Variants in PXDNL observed in about 807,000 individuals in gnomAD.
PXDNL encodes probable oxidoreductase PXDNL.
PXDNL carries 145 observed loss-of-function variants against 150.8 expected under a neutral mutation model. The observed-to-expected ratio is 0.96, with a 90% CI of 0.84 to 1.10. The LOEUF is 1.10. Among genes scored for constraint, PXDNL ranks in the 50% least tolerant of loss-of-function variants. The pLI is 0.00. For missense variants in PXDNL, 2,087 were observed against 1,873.9 expected, an observed-to-expected ratio of 1.11 and a Z score of -2.10; for synonymous variants, 757 against 725.7, an observed-to-expected ratio of 1.04 and a Z score of -0.69.
At chr8:51,691,166 T>G (rs1242307604) in intron 1 of PXDNL, among the ~76,000 whole-genome samples, 6 of 152,164 alleles carry the variant, frequency 3.9e-5, no homozygotes, top group Admixed American at 2.0e-4. Context: ...AGAAGCTCTT[T>G]AGTTTAATTA....
At chr8:51,646,322 A>G (rs1013483225) in intron 2 of PXDNL, among the ~76,000 whole-genome samples, 2 of 152,140 alleles carry the variant, frequency 1.3e-5, no homozygotes, top group African/African-American at 4.8e-5. Flanking sequence ...TGGCACCATG[A>G]TCTTGGACTT....
intron 3 of PXDNL, among the ~76,000 whole-genome samples, chr8:51,568,380 C>CAG: frequency 6.6e-6 from 1 of 151,896 alleles, no homozygotes; most frequent in Admixed American, 6.6e-5. Context: ...TTTATCAATA[C>CAG]AGAAGTCTAA....
chr8:51,612,575 G>A (rs1187701799), intron 2 of PXDNL, among the ~76,000 whole-genome samples: 4 of 152,134 alleles, frequency 2.6e-5, no homozygotes, highest in African/African-American at 9.7e-5. Flanking sequence ...TGATGGTATT[G>A]GGAAGTGGGA....
rs1807138118 is a variant in PXDNL at position 51,372,097 on chromosome 8, A to AG, written c.3693-17_3693-16insC. ...ATACCAGAACCTGGTAGTCAACCAAAAAAAAAACATTGTCGTGGGTCTGTG... is the reference window on the plus strand; with the variant it reads ...ATACCAGAACCTGGTAGTCAACCAAAGAAAAAAACATTGTCGTGGGTCTGTG... On this transcript the variant is annotated splice_polypyrimidine_tract_variant and intron_variant, in intron 18 of 22. Coordinates refer to ENST00000356297, the MANE Select transcript of PXDNL (RefSeq NM_144651.5). 2 of 1,553,390 alleles carry AG rather than the reference A, an allele frequency of 1.3e-6. No homozygotes were observed. Among genetic ancestry groups the AG allele is most frequent in the Non-Finnish European group, 1.7e-6 (2 of 1,146,116 alleles).
chr8:51,355,536 C>T (rs1019571364), intron 19 of PXDNL, among the ~76,000 whole-genome samples: 2 of 152,132 alleles, frequency 1.3e-5, no homozygotes, highest in African/African-American at 4.8e-5. Context: ...TAGTACGTCA[C>T]TTATCTTGTC....
At chr8:51,470,389 G>T (rs1467497374) in intron 8 of PXDNL, among the ~76,000 whole-genome samples, 1 of 151,814 alleles carries the variant, frequency 6.6e-6, no homozygotes, top group African/African-American at 2.4e-5. Flanking sequence ...CAAAAAAGTT[G>T]TATAATATAT....
At chr8:51,538,592 C>G (rs542945647) in intron 4 of PXDNL, among the ~76,000 whole-genome samples, 1 of 152,162 alleles carries the variant, frequency 6.6e-6, no homozygotes, top group East Asian at 1.9e-4. Context: ...ATGATGAAAC[C>G]TCGTCTCTAC....
chr8:51,806,217 C>A (rs962509095), intron 1 of PXDNL, among the ~76,000 whole-genome samples: 12 of 152,064 alleles, frequency 7.9e-5, no homozygotes, highest in Admixed American at 2.0e-4. Flanking sequence ...TTTCTGCATT[C>A]AGGCTAAAAT....
chr8:51,783,750 G>T (rs2037436191), intron 1 of PXDNL, among the ~76,000 whole-genome samples: 1 of 152,118 alleles, frequency 6.6e-6, no homozygotes, highest in Non-Finnish European at 1.5e-5. Context: ...CAGGAATTTT[G>T]AATGAAAGGG....
At chr8:51,643,111 T>C (rs1482345864) in intron 2 of PXDNL, among the ~76,000 whole-genome samples, 2 of 152,144 alleles carry the variant, frequency 1.3e-5, no homozygotes, top group Non-Finnish European at 2.9e-5. Context: ...AAAATGGCCA[T>C]ACTGCCCAAG....
chr8:51,588,947 A>G (rs1813382637), intron 3 of PXDNL, among the ~76,000 whole-genome samples: 1 of 152,192 alleles, frequency 6.6e-6, no homozygotes, highest in Non-Finnish European at 1.5e-5. Flanking sequence ...ATTCACTGAA[A>G]TTTAATTTCC....
At chr8:51,405,236 C>T (rs1236653582) in intron 17 of PXDNL, among the ~76,000 whole-genome samples, 4 of 152,202 alleles carry the variant, frequency 2.6e-5, no homozygotes, top group African/African-American at 9.6e-5. Context: ...ACAGTGCAAC[C>T]GCGGGGTGAA....
intron 21 of PXDNL, among the ~76,000 whole-genome samples, chr8:51,323,911 C>G (rs1316890771): frequency 7.9e-6 from 1 of 126,944 alleles, no homozygotes; most frequent in African/African-American, 3.7e-5. Context: ...AGCAAAACTT[C>G]ATCTCAAAAA....
At chr8:51,494,450 G>A (rs1466882815) in intron 5 of PXDNL, among the ~76,000 whole-genome samples, 1 of 151,882 alleles carries the variant, frequency 6.6e-6, no homozygotes, top group Non-Finnish European at 1.5e-5. Flanking sequence ...AAATGTAAAT[G>A]GGCTAAATGC....
intron 1 of PXDNL, among the ~76,000 whole-genome samples, chr8:51,727,688 A>G (rs550899839): frequency 4.6e-5 from 7 of 152,214 alleles, no homozygotes; most frequent in Non-Finnish European, 1.0e-4. Context: ...GACTCAGTCA[A>G]CCACAAACAG....
At chr8:51,539,256 T>C (rs974076385) in intron 4 of PXDNL, among the ~76,000 whole-genome samples, 6 of 152,082 alleles carry the variant, frequency 3.9e-5, no homozygotes, top group Admixed American at 2.6e-4. Flanking sequence ...TCTGTTAATA[T>C]AATAAATTAC....
intron 1 of PXDNL, among the ~76,000 whole-genome samples, chr8:51,797,260 G>T (rs575523719): frequency 6.6e-6 from 1 of 152,270 alleles, no homozygotes. Context: ...TTGAAAACTG[G>T]CACAAGACGA....
chr8:51,324,831 T>TTG (rs1307855683), intron 21 of PXDNL, among the ~76,000 whole-genome samples: 3 of 152,216 alleles, frequency 2.0e-5, no homozygotes, highest in Admixed American at 2.0e-4. Flanking sequence ...CATTTTTCAT[T>TTG]TGTTTCCAGT....
At chr8:51,406,299 A>G (rs1365004342) in intron 17 of PXDNL, among the ~76,000 whole-genome samples, 1 of 152,230 alleles carries the variant, frequency 6.6e-6, no homozygotes, top group African/African-American at 2.4e-5. Context: ...ATAGGATTGC[A>G]TACATGGCCA....
Sources: allele counts gnomAD v4.1 joint callset (sites outside exome capture counted in the v4.1 genomes callset), GRCh38; gene constraint gnomAD v4.1.1; transcripts MANE v1.5; gene names NCBI Gene and HGNC (gene_info 2026-07-23, HGNC 2026-07-21).